FAM110A: variants seen among roughly 807,000 people sequenced by gnomAD.
FAM110A encodes protein FAM110A.
Under a neutral mutation model 4.0 loss-of-function variants are expected in FAM110A, and 1 was observed. That is an observed-to-expected ratio of 0.25 (90% confidence interval 0.09 to 1.20). FAM110A has a LOEUF of 1.20. Ranked by LOEUF, FAM110A falls within the 50% of genes most tolerant of loss-of-function variation. FAM110A has a pLI of 0.50. For missense variants in FAM110A, 436 were observed against 429.2 expected (o/e 1.02, Z -0.14); for synonymous variants, 217 against 196.8 (o/e 1.10, Z -0.86).
chr20:835,620 C>A (rs1047960000), intron 1 of FAM110A, among the ~76,000 whole-genome samples: 1 of 152,242 alleles, frequency 6.6e-6, no homozygotes, highest in Non-Finnish European at 1.5e-5. Flanking sequence ...TAGATGTCCA[C>A]ATCCACACCC....
Position 844,894 on chromosome 20 carries a change from G to C in FAM110A, c.90G>C (p.Arg30=). 6.4e-7 allele frequency: 1 copy of C among 1,556,348 alleles called. No homozygotes were observed. The highest frequency in any genetic ancestry group is 8.7e-7 in the Non-Finnish European group (1 of 1,150,962). Residue 30 remains arginine (R), a synonymous_variant, in exon 2 of 2, where the codon CGG becomes CGC. Coordinates refer to ENST00000381941, the MANE Select transcript of FAM110A (RefSeq NM_001042353.3). ...CCAGGGTCCCTGGCTACCTGCTACGGGGGCCGGCAGATGGTGGAGCCCGGA... is the reference window on the plus strand; with the variant it reads ...CCAGGGTCCCTGGCTACCTGCTACGCGGGCCGGCAGATGGTGGAGCCCGGA... ...LRTRVPGYLL[R]GPADGGARKP...
chr20:834,496 G>A lies in FAM110A; in HGVS notation c.-98+545G>A, dbSNP rs957773044. ...GGGAATCATCCCCAGTTTGGGGAAG[G>A]GAATAGAGCCAGTCCCTAAACCAAA... On this transcript the variant is annotated intron_variant, in intron 1 of 1. Coordinates refer to ENST00000381941, the MANE Select transcript of FAM110A (RefSeq NM_001042353.3). This position sits in a 1 kb window ranked among gnomAD's most constrained non-coding sequence, Gnocchi z 5.6. 6.6e-6 allele frequency among the ~76,000 whole-genome samples: 1 copy of A among 152,212 alleles called. No individual in the cohort carries two copies. Among genetic ancestry groups the A allele is most frequent in the Admixed American group, 6.5e-5 (1 of 15,290 alleles).
At position 845,008 on chromosome 20, in the gene FAM110A, G is replaced by A. The variant is rs966918025; in HGVS notation, c.204G>A (p.Gln68=). Reference sequence around the variant, plus strand: ...CCAACACCCGCCAGGAGCCTGTGCAGCCCCTGCTGTCCAAACAGCCGCTCT... The same window carrying A: ...CCAACACCCGCCAGGAGCCTGTGCAACCCCTGCTGTCCAAACAGCCGCTCT... ...HVANTRQEPV[Q]PLLSKQPLFS... The change falls in exon 2 of 2, where the codon CAG becomes CAA. Residue 68 remains glutamine, a synonymous_variant. Transcript: ENST00000381941. 6.3e-7 allele frequency: 1 copy of A among 1,595,690 alleles called. No homozygotes were observed. Among genetic ancestry groups the A allele is most frequent in the Non-Finnish European group, 8.5e-7 (1 of 1,171,900 alleles).
intron 1 of FAM110A, among the ~76,000 whole-genome samples, chr20:835,184 CTCTCTCTCTCTCTCTCTA>C (rs2099434695): frequency 6.9e-6 from 1 of 144,668 alleles, no homozygotes; most frequent in South Asian, 2.2e-4. Context: ...CTCTCTCTCT[CTCTCTCTCTCTCTCTCTA>C]TATATATATA....
chr20:838,933 G>T (rs572774611), intron 1 of FAM110A, among the ~76,000 whole-genome samples: 2 of 151,818 alleles, frequency 1.3e-5, no homozygotes, highest in African/African-American at 4.8e-5. Flanking sequence ...GGAGCCACAG[G>T]AGGGTTTAAA....
At chr20:835,207 T>TATATACACACACAC (rs1568776115) in intron 1 of FAM110A, among the ~76,000 whole-genome samples, 1 of 148,650 alleles carries the variant, frequency 6.7e-6, no homozygotes, top group Non-Finnish European at 1.5e-5. Context: ...TCTCTATATA[T>TATATACACACACAC]ATATATACAC....
intron 1 of FAM110A, chr20:839,525 G>A (rs7262704): frequency 1.8e-4 from 184 of 1,033,452 alleles, no homozygotes; most frequent in East Asian, 2.6e-4. Flanking sequence ...CCCCAGCCTC[G>A]GCTTTCTTGT....
rs775979407 is a variant in FAM110A, at chr20:845,737, G to C, written c.*45G>C. On this transcript the variant is annotated 3_prime_UTR_variant, in exon 2 of 2. Coordinates refer to ENST00000381941, the MANE Select transcript of FAM110A (RefSeq NM_001042353.3). ...TCGCCACAGGACGGATCTTACAGAG[G>C]CAAGTGGTCCCTGGACCTCTCTTGC... The C allele has an allele frequency of 4.3e-6, 7 of 1,610,884 alleles. No homozygotes were observed. The highest frequency in any genetic ancestry group is 3.3e-4 in the Middle Eastern group (2 of 6,040).
chr20:837,482 G>A (rs1035806787), intron 1 of FAM110A, among the ~76,000 whole-genome samples: 6 of 152,230 alleles, frequency 3.9e-5, no homozygotes, highest in African/African-American at 9.6e-5. Flanking sequence ...TGGTTGAATA[G>A]TTATCATAGC....
chr20:839,499 TCGG>T, intron 1 of FAM110A: 1 of 980,250 alleles, frequency 1.0e-6, no homozygotes, highest in Non-Finnish European at 1.6e-6. Context: ...AAACTGGAAT[TCGG>T]TTGCTGACCC....
intron 1 of FAM110A, among the ~76,000 whole-genome samples, chr20:838,437 C>T (rs757373910): frequency 6.6e-6 from 1 of 151,964 alleles, no homozygotes; most frequent in Non-Finnish European, 1.5e-5. Flanking sequence ...GTGTTTGGTC[C>T]CTGAAGGAAG....
chr20:840,035 G>T lies in FAM110A; in HGVS notation c.-97-4673G>T. 2 of 882,482 alleles carry T rather than the reference G, an allele frequency of 2.3e-6. No individual in the cohort carries two copies. Among genetic ancestry groups the T allele is most frequent in the Non-Finnish European group, 3.7e-6 (2 of 547,092 alleles). 54.7% of individuals were successfully genotyped at this position (882,482 alleles called of 1,614,324 possible). The stretch of plus-strand genomic sequence containing the variant: ...GAAAGGAAGGACTGTTCTTTTCTTT[G>T]CTATTACGAAAATCATTATTGTTGC... On this transcript the variant is annotated intron_variant, in intron 1 of 1. Coordinates refer to ENST00000381941, the MANE Select transcript of FAM110A (RefSeq NM_001042353.3). This position sits in a 1 kb window ranked among gnomAD's most constrained non-coding sequence, Gnocchi z 4.4.
intron 1 of FAM110A, among the ~76,000 whole-genome samples, chr20:837,567 G>C (rs539381780): frequency 1.3e-5 from 2 of 152,234 alleles, no homozygotes; most frequent in Non-Finnish European, 2.9e-5. Context: ...CTGTTTTGCA[G>C]TTAGGGAAAC....
rs1980246401 is a variant in FAM110A, at chr20:845,281, G to A, written c.477G>A (p.Leu159=). ...TCCGCCGGGTGGACGTCCGCCCCCTGCCCGCCTCGCCTGCCCGGCCCTGCC... is the reference window on the plus strand; with the variant it reads ...TCCGCCGGGTGGACGTCCGCCCCCTACCCGCCTCGCCTGCCCGGCCCTGCC... The part of the protein sequence containing the change: ...SAVRRVDVRP[L]PASPARPCPS... Residue 159 remains leucine (L), a synonymous_variant, in exon 2 of 2, where the codon CTG becomes CTA. Transcript: ENST00000381941. 1 of 1,500,442 alleles carries A rather than the reference G, an allele frequency of 6.7e-7. No homozygotes were observed. Among genetic ancestry groups the A allele is most frequent in the Non-Finnish European group, 8.9e-7 (1 of 1,127,852 alleles). 92.9% of individuals were successfully genotyped at this position (1,500,442 alleles called of 1,614,324 possible).
chr20:845,179 C>CACTCCTGGACGG lies in FAM110A; in HGVS notation c.376_387dup (p.Thr126_Arg129dup). The CACTCCTGGACGG allele has an allele frequency of 6.4e-7, 1 of 1,569,346 alleles. No homozygotes were observed. Among genetic ancestry groups the CACTCCTGGACGG allele is most frequent in the South Asian group, 1.2e-5 (1 of 85,816 alleles). On this transcript the variant is annotated inframe_insertion, in exon 2 of 2. Transcript: ENST00000381941. Reference sequence around the variant, plus strand: ...CCGTGTCCCCTGCCGAGGCCAGCCGCACTCCTGGACGGGCCGAGGGAGCCG... The same window carrying CACTCCTGGACGG: ...CCGTGTCCCCTGCCGAGGCCAGCCGCACTCCTGGACGGACTCCTGGACGGGCCGAGGGAGCCG...
At position 845,985 on chromosome 20, in the gene FAM110A, G is replaced by A. The variant is rs751333903; in HGVS notation, c.*293G>A. 3 of 451,930 alleles carry A rather than the reference G, an allele frequency of 6.6e-6. No individual in the cohort carries two copies. The highest frequency in any genetic ancestry group is 1.2e-5 in the Non-Finnish European group (3 of 248,908). The allele number at this position is 451,930 out of a possible 1,614,324, so 28.0% of individuals were successfully genotyped here. A position where few individuals can be genotyped will look rare whatever the true frequency, so the allele number is the denominator to read the frequency against. ...GTTCCTCTTGTGGGGCTGCATTTGC[G>A]GTGCTTTGCCCTCCCCACTGTGAGT... On this transcript the variant is annotated 3_prime_UTR_variant, in exon 2 of 2. Coordinates refer to ENST00000381941, the MANE Select transcript of FAM110A (RefSeq NM_001042353.3).
At position 839,685 on chromosome 20, in the gene FAM110A, G is replaced by A. The variant is rs1029653356; in HGVS notation, c.-97-5023G>A. 19 of 1,232,260 alleles carry A rather than the reference G, an allele frequency of 1.5e-5. No homozygotes were observed. The South Asian group carries it at 1.7e-4, about 11-fold the overall frequency. 76.3% of individuals were successfully genotyped at this position (1,232,260 alleles called of 1,614,324 possible). A position where few individuals can be genotyped will look rare whatever the true frequency, so the allele number is the denominator to read the frequency against. ...GTGTAGGGTGGCAGGAACAATCTCCGGGGGCAGATGTAGGGTGGCAGGAAC... is the reference window on the plus strand; with the variant it reads ...GTGTAGGGTGGCAGGAACAATCTCCAGGGGCAGATGTAGGGTGGCAGGAAC... On this transcript the variant is annotated intron_variant, in intron 1 of 1. Coordinates refer to ENST00000381941, the MANE Select transcript of FAM110A (RefSeq NM_001042353.3).
chr20:836,888 T>G (rs887770710), intron 1 of FAM110A, among the ~76,000 whole-genome samples: 1 of 152,170 alleles, frequency 6.6e-6, no homozygotes, highest in African/African-American at 2.4e-5. Context: ...GTTTGTATTT[T>G]TTTTTTGGTA....
At chr20:844,670 C>G (rs775143806) in intron 1 of FAM110A, 38 bp from the exon 2 acceptor site, 227 of 1,278,886 alleles carry the variant, frequency 1.8e-4, no homozygotes, top group African/African-American at 4.8e-4. Flanking sequence ...TCTGAGCGCG[C>G]TCGGCTTTTT....
Sources: allele counts gnomAD v4.1 joint callset (sites outside exome capture counted in the v4.1 genomes callset), GRCh38; gene constraint gnomAD v4.1.1; non-coding constraint Gnocchi (gnomAD v3.1); transcripts MANE v1.5; gene names NCBI Gene and HGNC (gene_info 2026-07-23, HGNC 2026-07-21).